Variants in ZNF804A observed in about 807,000 individuals in gnomAD.
ZNF804A encodes zinc finger protein 804A.
A neutral mutation model predicts 16.5 loss-of-function variants in ZNF804A; 2 were observed. The ratio of observed to expected loss-of-function variants is 0.12; its 90% CI spans 0.05 to 0.38. The LOEUF is 0.38. Ranked by LOEUF, ZNF804A falls within the 10% of genes least tolerant of loss-of-function variation. The pLI is 0.99. For synonymous variants in ZNF804A, 534 were observed against 489.6 expected, an observed-to-expected ratio of 1.09 and a Z score of -1.20; for missense variants, 1,473 against 1,390.7, an observed-to-expected ratio of 1.06 and a Z score of -0.94.
chr2:184,932,950 G>C (rs2105842212), intron 2 of ZNF804A, among the ~76,000 whole-genome samples: 1 of 152,130 alleles, frequency 6.6e-6, no homozygotes, highest in Non-Finnish European at 1.5e-5. Context: ...CCAATATCTT[G>C]AATTATTCTG....
chr2:184,623,273 T>TA (rs1559110806), intron 1 of ZNF804A, among the ~76,000 whole-genome samples: 2 of 152,020 alleles, frequency 1.3e-5, no homozygotes, highest in African/African-American at 4.8e-5. Flanking sequence ...ATAAATTTAC[T>TA]AAAAAATAAA....
intron 1 of ZNF804A, among the ~76,000 whole-genome samples, chr2:184,809,809 A>G (rs1424445194): frequency 1.3e-5 from 2 of 152,044 alleles, no homozygotes; most frequent in Admixed American, 1.3e-4. Flanking sequence ...AATACTCTCA[A>G]TACCTTGACT....
At chr2:184,612,910 TAAATC>T (rs1691261541) in intron 1 of ZNF804A, among the ~76,000 whole-genome samples, 1 of 152,166 alleles carries the variant, frequency 6.6e-6, no homozygotes, top group African/African-American at 2.4e-5. Context: ...ATAATAATAA[TAAATC>T]AAAACACACA....
intron 1 of ZNF804A, among the ~76,000 whole-genome samples, chr2:184,728,862 T>TA (rs1693465693): frequency 6.6e-6 from 1 of 151,896 alleles, no homozygotes; most frequent in Non-Finnish European, 1.5e-5. Context: ...TTGGCTATTT[T>TA]AAAAAAGGAA....
At chr2:184,847,235 C>G (rs1437232597) in intron 1 of ZNF804A, among the ~76,000 whole-genome samples, 1 of 152,030 alleles carries the variant, frequency 6.6e-6, no homozygotes, top group African/African-American at 2.4e-5. Flanking sequence ...CAGTCTCTGC[C>G]TTTACCTTTG....
At chr2:184,687,099 G>A (rs1052958624) in intron 1 of ZNF804A, among the ~76,000 whole-genome samples, 3 of 152,080 alleles carry the variant, frequency 2.0e-5, no homozygotes, top group African/African-American at 7.2e-5. Context: ...CTTTGCCAAC[G>A]CCAATGTTGA....
At chr2:184,803,197 G>A (rs976633247) in intron 1 of ZNF804A, among the ~76,000 whole-genome samples, 18 of 152,006 alleles carry the variant, frequency 1.2e-4, no homozygotes, top group African/African-American at 3.6e-4. Flanking sequence ...AGCCTTTGCA[G>A]TGTCTGTTTC....
intron 1 of ZNF804A, among the ~76,000 whole-genome samples, chr2:184,635,968 A>C (rs1300150982): frequency 6.6e-6 from 1 of 152,180 alleles, no homozygotes; most frequent in Non-Finnish European, 1.5e-5. Flanking sequence ...ATTTGAAAAT[A>C]CTGGAATTCT....
chr2:184,618,334 C>T (rs1019614329), intron 1 of ZNF804A, among the ~76,000 whole-genome samples: 1 of 152,068 alleles, frequency 6.6e-6, no homozygotes, highest in African/African-American at 2.4e-5. Context: ...TCAGCAAAGA[C>T]ATTTTCAGGT....
chr2:184,755,772 C>G (rs755451381), intron 1 of ZNF804A, among the ~76,000 whole-genome samples: 1 of 151,984 alleles, frequency 6.6e-6, no homozygotes, highest in Non-Finnish European at 1.5e-5. Context: ...CTGCCTCTGA[C>G]TTTACTCTCT....
intron 1 of ZNF804A, among the ~76,000 whole-genome samples, chr2:184,604,796 T>C (rs867805486): frequency 3.9e-5 from 6 of 152,204 alleles, no homozygotes; most frequent in African/African-American, 1.4e-4. Flanking sequence ...TCTATCGTTA[T>C]ATTTTATTCT....
chr2:184,826,898 T>C (rs13424507), intron 1 of ZNF804A, among the ~76,000 whole-genome samples: 48,668 of 151,934 alleles, frequency 0.32, 10,583 homozygotes, highest in African/African-American at 0.62. Context: ...ATTGTCAACA[T>C]TTATGGAGAC....
At chr2:184,643,126 CTG>C (rs1250289248) in intron 1 of ZNF804A, among the ~76,000 whole-genome samples, 1 of 151,980 alleles carries the variant, frequency 6.6e-6, no homozygotes, top group African/African-American at 2.4e-5. Flanking sequence ...GAGATCCTGA[CTG>C]AAAATATTAT....
At chr2:184,727,897 A>T (rs1246551815) in intron 1 of ZNF804A, among the ~76,000 whole-genome samples, 1 of 151,752 alleles carries the variant, frequency 6.6e-6, no homozygotes. Context: ...CATTTTGCAA[A>T]TTAAACTCAG....
chr2:184,601,710 T>C (rs1037057599), intron 1 of ZNF804A, among the ~76,000 whole-genome samples: 2 of 151,914 alleles, frequency 1.3e-5, no homozygotes, highest in African/African-American at 4.8e-5. Context: ...TTGAATCGTG[T>C]ACCAAGTTCT....
intron 1 of ZNF804A, among the ~76,000 whole-genome samples, chr2:184,685,874 C>T (rs1174196469): frequency 6.6e-6 from 1 of 152,218 alleles, no homozygotes; most frequent in Non-Finnish European, 1.5e-5. Flanking sequence ...ACATCCAGTC[C>T]TTAGCGCCCA....
At chr2:184,759,711 C>T (rs1425858611) in intron 1 of ZNF804A, among the ~76,000 whole-genome samples, 1 of 151,932 alleles carries the variant, frequency 6.6e-6, no homozygotes, top group Non-Finnish European at 1.5e-5. Flanking sequence ...ACTGAAGAAT[C>T]ACAAAAGAAG....
intron 2 of ZNF804A, among the ~76,000 whole-genome samples, chr2:184,891,531 G>A (rs1053564730): frequency 6.6e-6 from 1 of 151,966 alleles, no homozygotes; most frequent in Non-Finnish European, 1.5e-5. Flanking sequence ...AACTCAACAT[G>A]TCTATTTGAC....
rs1693905348 is a variant in ZNF804A at position 184,753,409 on chromosome 2, C to T, written c.112-112960C>T. Among the ~76,000 whole-genome samples, 3 of 151,492 alleles carry T rather than the reference C, an allele frequency of 2.0e-5. No individual in the cohort carries two copies. The South Asian group carries it at 6.2e-4, about 31-fold the overall frequency. The stretch of plus-strand genomic sequence containing the variant: ...GCATATCACAAATACACATACCATG[C>T]TACTCTTAGGTCTATGCAATACCAA... On this transcript the variant is annotated intron_variant, in intron 1 of 3. Coordinates refer to ENST00000302277, the MANE Select transcript of ZNF804A (RefSeq NM_194250.2).
Sources: allele counts gnomAD v4.1 joint callset (sites outside exome capture counted in the v4.1 genomes callset), GRCh38; gene constraint gnomAD v4.1.1; transcripts MANE v1.5; gene names NCBI Gene and HGNC (gene_info 2026-07-23, HGNC 2026-07-21).